Variants in AKAP6 observed in about 807,000 individuals in gnomAD.
AKAP6 encodes A-kinase anchoring protein 6.
A neutral mutation model predicts 188.5 loss-of-function variants in AKAP6; 58 were observed. That is an observed-to-expected ratio of 0.31 (90% CI 0.25 to 0.38). AKAP6 has a LOEUF of 0.38. AKAP6 is among the 10% of genes least tolerant of loss of function. AKAP6 has a pLI of 1.00. For synonymous variants in AKAP6, 989 were observed against 998.6 expected (o/e 0.99, Z 0.18); for missense variants, 2,710 against 2,740.0 (o/e 0.99, Z 0.24).
intron 11 of AKAP6, among the ~76,000 whole-genome samples, chr14:32,769,036 G>GTTTTTTTTTTTTT (rs1566698267): frequency 2.2e-4 from 4 of 18,492 alleles, no homozygotes; most frequent in Admixed American, 8.5e-4. Flanking sequence ...CTGCTCTTTT[G>GTTTTTTTTTTTTT]ATTTTTTTTT....
chr14:32,410,454 ATTTG>A (rs1889444434), intron 1 of AKAP6, among the ~76,000 whole-genome samples: 1 of 152,104 alleles, frequency 6.6e-6, no homozygotes, highest in African/African-American at 2.4e-5. Flanking sequence ...TCTTAAATGT[ATTTG>A]TTTGATGTCT....
intron 1 of AKAP6, among the ~76,000 whole-genome samples, chr14:32,371,368 C>G (rs1049030766): frequency 3.3e-5 from 5 of 152,040 alleles, no homozygotes; most frequent in Non-Finnish European, 7.4e-5. Context: ...CACTTGAGGC[C>G]AAGAGTTCAA....
At chr14:32,820,392 G>A (rs1017332178) in intron 12 of AKAP6, among the ~76,000 whole-genome samples, 1 of 152,074 alleles carries the variant, frequency 6.6e-6, no homozygotes, top group East Asian at 1.9e-4. Flanking sequence ...GCCAGCTACT[G>A]TGTCCCAAAA....
intron 7 of AKAP6, among the ~76,000 whole-genome samples, chr14:32,642,436 C>T (rs1019524690): frequency 6.6e-6 from 1 of 152,196 alleles, no homozygotes; most frequent in Non-Finnish European, 1.5e-5. Context: ...AATGTAATTT[C>T]ATGCGTCTCT....
At chr14:32,523,442 A>G (rs946312410) in intron 2 of AKAP6, among the ~76,000 whole-genome samples, 2 of 152,068 alleles carry the variant, frequency 1.3e-5, no homozygotes, top group Non-Finnish European at 2.9e-5. Flanking sequence ...AAAAAGAACA[A>G]AAATCAAAGT....
intron 11 of AKAP6, among the ~76,000 whole-genome samples, chr14:32,743,549 T>G (rs2031768068): frequency 6.6e-6 from 1 of 152,168 alleles, no homozygotes; most frequent in Admixed American, 6.6e-5. Context: ...TGTTTTTTGG[T>G]TTGAGGTTAC....
At chr14:32,525,800 A>G (rs1882091369) in intron 2 of AKAP6, among the ~76,000 whole-genome samples, 1 of 152,332 alleles carries the variant, frequency 6.6e-6, no homozygotes, top group African/African-American at 2.4e-5. Context: ...ACAGTGTGGC[A>G]TTATAGATAA....
chr14:32,464,475 A>G (rs1178162835), intron 2 of AKAP6, among the ~76,000 whole-genome samples: 1 of 152,218 alleles, frequency 6.6e-6, no homozygotes, highest in African/African-American at 2.4e-5. Flanking sequence ...CATCACATAA[A>G]CAGATCCAAT....
intron 1 of AKAP6, among the ~76,000 whole-genome samples, chr14:32,335,842 C>CTTTTTTTTTTTT (rs375076849): frequency 5.3e-5 from 5 of 94,026 alleles, no homozygotes; most frequent in Admixed American, 2.4e-4. Context: ...TCCTTTTCTC[C>CTTTTTTTTTTTT]TTTTTTTTTT....
intron 11 of AKAP6, among the ~76,000 whole-genome samples, chr14:32,753,162 C>A (rs1326713959): frequency 6.6e-6 from 1 of 152,136 alleles, no homozygotes; most frequent in African/African-American, 2.4e-5. Flanking sequence ...ACATTCCCAA[C>A]AACAGTGTAC....
chr14:32,441,006 A>G (rs549276387), intron 2 of AKAP6, among the ~76,000 whole-genome samples: 1 of 152,324 alleles, frequency 6.6e-6, no homozygotes, highest in South Asian at 2.1e-4. Context: ...AAGAAAGGTT[A>G]CAGGGAGCTA....
chr14:32,371,222 C>A (rs1244293738), intron 1 of AKAP6, among the ~76,000 whole-genome samples: 1 of 152,178 alleles, frequency 6.6e-6, no homozygotes, highest in East Asian at 1.9e-4. Flanking sequence ...CTAGAACACA[C>A]ATATGTCAAA....
rs1879573855 is a variant in AKAP6 at position 32,484,686 on chromosome 14, C to T, written c.325-50868C>T. On this transcript the variant is annotated intron_variant, in intron 2 of 13. Transcript: ENST00000280979. ...AGGTTGCCTGGTTGGCCTAGCTCAG[C>T]CCAAATAAGGAGACTTAGAGCTGTG... The T allele has an allele frequency of 1.9e-5, 4 of 213,458 alleles. 1 individual carries two copies. The highest frequency in any genetic ancestry group is 2.7e-5 in the Non-Finnish European group (4 of 146,560). The allele number at this position is 213,458 out of a possible 1,614,324, so 13.2% of individuals were successfully genotyped here.
At chr14:32,811,241 G>GAAAAAAAAAAAAAA (rs529886144) in intron 12 of AKAP6, among the ~76,000 whole-genome samples, 4 of 55,600 alleles carry the variant, frequency 7.2e-5, no homozygotes, top group Non-Finnish European at 1.5e-4. Context: ...TCCGTCTCAG[G>GAAAAAAAAAAAAAA]AAAAAAAAAA....
At chr14:32,384,850 G>A (rs751246529) in intron 1 of AKAP6, among the ~76,000 whole-genome samples, 1 of 152,244 alleles carries the variant, frequency 6.6e-6, no homozygotes, top group South Asian at 2.1e-4. Flanking sequence ...GGGGTGGGGA[G>A]AGATTAAAAT....
At chr14:32,486,931 C>T (rs10131325) in intron 2 of AKAP6, among the ~76,000 whole-genome samples, 95,633 of 152,078 alleles carry the variant, frequency 0.63, 30,974 homozygotes, top group East Asian at 0.86. Flanking sequence ...TTTGCCCATT[C>T]GGTATGATAT....
intron 1 of AKAP6, among the ~76,000 whole-genome samples, chr14:32,416,645 C>G (rs1889666969): frequency 6.6e-6 from 1 of 152,100 alleles, no homozygotes; most frequent in Non-Finnish European, 1.5e-5. Context: ...ACCTCTGCCT[C>G]CCGGGTTCAA....
At chr14:32,363,240 C>G (rs1037861360) in intron 1 of AKAP6, among the ~76,000 whole-genome samples, 3 of 152,112 alleles carry the variant, frequency 2.0e-5, no homozygotes, top group African/African-American at 7.2e-5. Flanking sequence ...GCTGTGGGAA[C>G]ATGGGAAAAC....
At position 32,458,008 on chromosome 14, in the gene AKAP6, A is replaced by G. The variant is rs1310291386; in HGVS notation, c.324+24191A>G. On this transcript the variant is annotated intron_variant, in intron 2 of 13. Coordinates refer to ENST00000280979, the MANE Select transcript of AKAP6 (RefSeq NM_004274.5). ...AATGACCAAAGTCATATCTTATTCT[A>G]TCTGCCTACTTGATAGCAAGTTAGT... Among the ~76,000 whole-genome samples the G allele has an allele frequency of 2.6e-5, 4 of 152,312 alleles. No individual in the cohort carries two copies. The South Asian group carries it at 6.2e-4, about 24-fold the overall frequency.
Sources: allele counts gnomAD v4.1 joint callset (sites outside exome capture counted in the v4.1 genomes callset), GRCh38; gene constraint gnomAD v4.1.1; transcripts MANE v1.5; gene names NCBI Gene and HGNC (gene_info 2026-07-23, HGNC 2026-07-21).